LINGO1: variants seen among roughly 807,000 people sequenced by gnomAD.
The protein encoded by LINGO1 is leucine rich repeat and Ig domain containing 1.
LINGO1 carries 11 observed loss-of-function variants against 37.3 expected under a neutral mutation model. The observed-to-expected ratio is 0.29, with a 90% CI of 0.19 to 0.49. The LOEUF (loss-of-function observed/expected upper bound fraction) is 0.49, where lower values mean the gene tolerates loss of function less well. LINGO1 is among the 20% of genes least tolerant of loss of function. The pLI, the probability that LINGO1 is intolerant of heterozygous loss-of-function variation, is 0.99. For synonymous variants in LINGO1, 387 were observed against 403.0 expected, an observed-to-expected ratio of 0.96 and a Z score of 0.48; for missense variants, 585 against 878.2, an observed-to-expected ratio of 0.67 and a Z score of 4.22.
chr15:77,743,145 G>A (rs570763153), intron 1 of LINGO1, among the ~76,000 whole-genome samples: 48 of 152,212 alleles, frequency 3.2e-4, no homozygotes, highest in South Asian at 4.1e-4. Context: ...TTGGCTCTCC[G>A]GACTACCCCC....
chr15:77,626,194 G>A (rs7182165), intron 1 of LINGO1, among the ~76,000 whole-genome samples: 27,487 of 151,960 alleles, frequency 0.18, 5,338 homozygotes, highest in African/African-American at 0.49. Flanking sequence ...CATCCCAACC[G>A]CGGCCACTTT....
intron 1 of LINGO1, among the ~76,000 whole-genome samples, chr15:77,616,801 C>A (rs1445743125): frequency 1.3e-5 from 2 of 152,230 alleles, no homozygotes; most frequent in Admixed American, 6.5e-5. Context: ...AATGCCCCTT[C>A]CCTGGCTGTT....
intron 1 of LINGO1, among the ~76,000 whole-genome samples, chr15:77,812,849 G>A (rs2077017156): frequency 1.3e-5 from 2 of 152,252 alleles, no homozygotes; most frequent in Non-Finnish European, 2.9e-5. Flanking sequence ...AGGGAGGGCC[G>A]TATCTATGAT....
intron 1 of LINGO1, among the ~76,000 whole-genome samples, chr15:77,799,418 A>G (rs917544092): frequency 6.6e-6 from 1 of 152,184 alleles, no homozygotes; most frequent in African/African-American, 2.4e-5. Flanking sequence ...CTGCTCCCAC[A>G]GCCCAAGGCC....
chr15:77,642,846 G>A (rs552299877), intron 3 of LINGO1, among the ~76,000 whole-genome samples: 3 of 152,328 alleles, frequency 2.0e-5, no homozygotes, highest in South Asian at 4.1e-4. Context: ...TCTCCCAGGG[G>A]TCCTCTCTGC....
At chr15:77,655,177 G>C (rs1464897257) in intron 3 of LINGO1, among the ~76,000 whole-genome samples, 2 of 152,198 alleles carry the variant, frequency 1.3e-5, no homozygotes, top group Non-Finnish European at 2.9e-5. Context: ...TCCACCTACA[G>C]GGTCGGGAGG....
intron 1 of LINGO1, among the ~76,000 whole-genome samples, chr15:77,744,325 A>G (rs2076292402): frequency 6.6e-6 from 1 of 152,040 alleles, no homozygotes; most frequent in Non-Finnish European, 1.5e-5. Context: ...CTTGAGTCCA[A>G]GAGTTCAAAA....
At chr15:77,780,098 T>C in intron 1 of LINGO1, among the ~76,000 whole-genome samples, 1 of 152,192 alleles carries the variant, frequency 6.6e-6, no homozygotes, top group East Asian at 1.9e-4. Flanking sequence ...GTTCACTGGC[T>C]TGAAGAGACA....
chr15:77,811,945 TA>T (rs5813884), intron 1 of LINGO1, among the ~76,000 whole-genome samples: 26,352 of 142,282 alleles, frequency 0.19, 2,669 homozygotes, highest in Admixed American at 0.32. Flanking sequence ...CCAACAAAAT[TA>T]AAAAAAAAAA....
intron 1 of LINGO1, among the ~76,000 whole-genome samples, chr15:77,618,756 A>AG (rs2073820939): frequency 9.3e-3 from 1 of 108 alleles, no homozygotes; most frequent in African/African-American, 0.028. Flanking sequence ...CGCCCGGCTA[A>AG]TTTTTTTGTA....
At chr15:77,785,421 G>A (rs1596229443) in intron 1 of LINGO1, among the ~76,000 whole-genome samples, 1 of 152,152 alleles carries the variant, frequency 6.6e-6, no homozygotes. Flanking sequence ...GCCCTGGAGC[G>A]TGGGCAGTCC....
chr15:77,740,157 A>G (rs554506110), intron 1 of LINGO1, among the ~76,000 whole-genome samples: 25 of 152,328 alleles, frequency 1.6e-4, no homozygotes, highest in African/African-American at 6.0e-4. Context: ...GACAGCATGG[A>G]CAGTGTGGTC....
chr15:77,761,983 G>C (rs1008496942), intron 1 of LINGO1, among the ~76,000 whole-genome samples: 1 of 152,178 alleles, frequency 6.6e-6, no homozygotes, highest in African/African-American at 2.4e-5. Flanking sequence ...GACCCTTTCT[G>C]ACCCCATGTC....
At chr15:77,650,295 G>T (rs948137169) in intron 3 of LINGO1, among the ~76,000 whole-genome samples, 2 of 152,156 alleles carry the variant, frequency 1.3e-5, no homozygotes, top group African/African-American at 4.8e-5. Flanking sequence ...GAGTGAGGGG[G>T]AAGAGAAGGA....
At chr15:77,780,667 G>C (rs1468020639) in intron 1 of LINGO1, among the ~76,000 whole-genome samples, 2 of 152,076 alleles carry the variant, frequency 1.3e-5, no homozygotes, top group African/African-American at 4.8e-5. Context: ...GACTGTATTT[G>C]GAGTAAGGAG....
At chr15:77,794,530 A>C (rs2076853620) in intron 2 of LINGO1, among the ~76,000 whole-genome samples, 1 of 140,216 alleles carries the variant, frequency 7.1e-6, no homozygotes, top group East Asian at 2.0e-4. Flanking sequence ...ATATGTATAT[A>C]CATACATATA....
intron 1 of LINGO1, among the ~76,000 whole-genome samples, chr15:77,800,841 C>T (rs908430686): frequency 6.6e-6 from 1 of 151,988 alleles, no homozygotes; most frequent in African/African-American, 2.4e-5. Flanking sequence ...AGAAAAAAGA[C>T]AAAAGAAGAG....
At position 77,613,776 on chromosome 15, in the gene LINGO1, G is replaced by A. The variant is rs1035658465; in HGVS notation, c.*268C>T. ...ACTTTTTTATTGAATTATTGACTCT[G>A]CCGCGTGTCGGTTCGTCGGCTTTCA... On this transcript the variant is annotated 3_prime_UTR_variant, in exon 2 of 2. Transcript: ENST00000355300. The A allele has an allele frequency of 1.1e-5, 5 of 466,758 alleles. No homozygotes were observed. Among genetic ancestry groups the A allele is most frequent in the Admixed American group, 3.6e-5 (1 of 27,578 alleles). The allele number at this position is 466,758 out of a possible 1,614,324, so 28.9% of individuals were successfully genotyped here.
intron 2 of LINGO1, among the ~76,000 whole-genome samples, chr15:77,794,973 C>A (rs1452497209): frequency 6.6e-6 from 1 of 152,130 alleles, no homozygotes; most frequent in Non-Finnish European, 1.5e-5. Context: ...TAAGCCTCAG[C>A]CACATACAAC....
Sources: allele counts gnomAD v4.1 joint callset (sites outside exome capture counted in the v4.1 genomes callset), GRCh38; gene constraint gnomAD v4.1.1; transcripts MANE v1.5; gene names NCBI Gene and HGNC (gene_info 2026-07-23, HGNC 2026-07-21).